The following IL1RAPL2 variants were observed in gnomAD, a reference collection of about 807,000 sequenced individuals.
The protein encoded by IL1RAPL2 is X-linked interleukin-1 receptor accessory protein-like 2.
Under a neutral mutation model 44.1 loss-of-function variants are expected in IL1RAPL2, and 3 were observed. That is an observed-to-expected ratio of 0.07 (90% CI 0.03 to 0.18). The LOEUF (loss-of-function observed/expected upper bound fraction) is 0.18. IL1RAPL2 is among the 10% of genes least tolerant of loss of function. The pLI, the probability that IL1RAPL2 is intolerant of heterozygous loss-of-function variation, is 1.00. For synonymous variants in IL1RAPL2, 181 were observed against 178.8 expected (o/e 1.01, Z -0.10); for missense variants, 391 against 496.4 (o/e 0.79, Z 2.02).
At chrX:105,190,303 C>T (rs1384042710) in intron 2 of IL1RAPL2, among the ~76,000 whole-genome samples, 2 of 112,132 alleles carry the variant, frequency 1.8e-5, no homozygotes, top group Non-Finnish European at 3.8e-5. Flanking sequence ...GCTTCTGTCA[C>T]CTACAATGGT....
At chrX:105,244,689 A>C (rs1460615729) in intron 4 of IL1RAPL2, among the ~76,000 whole-genome samples, 2 of 111,924 alleles carry the variant, frequency 1.8e-5, no homozygotes, top group African/African-American at 6.5e-5. Flanking sequence ...GGTCATTAGA[A>C]GCTCTACTTT....
intron 2 of IL1RAPL2, among the ~76,000 whole-genome samples, chrX:104,950,739 C>G (rs1272878637): frequency 9.2e-6 from 1 of 108,154 alleles, no homozygotes; most frequent in Non-Finnish European, 1.9e-5. Context: ...GACGGAGTCT[C>G]GCTGTCGCCC....
intron 2 of IL1RAPL2, among the ~76,000 whole-genome samples, chrX:104,743,405 C>T (rs1328557579): frequency 9.2e-6 from 1 of 108,450 alleles, no homozygotes; most frequent in Non-Finnish European, 1.9e-5. Flanking sequence ...TTTTTTCAAG[C>T]TCAGAATTTA....
At chrX:105,747,691 G>C (rs975501083) in intron 8 of IL1RAPL2, among the ~76,000 whole-genome samples, 1 of 109,088 alleles carries the variant, frequency 9.2e-6, no homozygotes, top group Admixed American at 9.9e-5. Context: ...CATTCCTAGA[G>C]AAAGGTTGAC....
intron 1 of IL1RAPL2, among the ~76,000 whole-genome samples, chrX:104,590,189 C>T (rs751062588): frequency 3.6e-5 from 4 of 110,910 alleles, no homozygotes; most frequent in East Asian, 5.7e-4. Context: ...GGATTACAGG[C>T]GTGCGCCACC....
chrX:105,440,875 C>G (rs1406671146), intron 5 of IL1RAPL2, among the ~76,000 whole-genome samples: 1 of 111,374 alleles, frequency 9.0e-6, no homozygotes, highest in Middle Eastern at 4.7e-3. Context: ...TAAGTCTCAG[C>G]AGATCTGATG....
intron 2 of IL1RAPL2, among the ~76,000 whole-genome samples, chrX:105,095,703 C>T (rs962266214): frequency 9.0e-6 from 1 of 111,628 alleles, no homozygotes; most frequent in African/African-American, 3.3e-5. Flanking sequence ...TAAACTAGCT[C>T]AAAGAGGTAG....
chrX:105,273,205 A>G (rs1433105236), intron 5 of IL1RAPL2, among the ~76,000 whole-genome samples: 1 of 111,326 alleles, frequency 9.0e-6, no homozygotes, highest in Non-Finnish European at 1.9e-5. Flanking sequence ...TCATTTTCTC[A>G]TTTAGTCCTC....
rs191632174 is a variant in IL1RAPL2 at position 105,505,558 on chromosome X, T to G, written c.772+21171T>G. Among the ~76,000 whole-genome samples the G allele has an allele frequency of 3.6e-5, 4 of 110,763 alleles. No individual in the cohort carries two copies. The East Asian group carries it at 1.1e-3, about 32-fold the overall frequency. ...TTAGGCAGAATAGCATATATTAAGG[T>G]CTTGCAGAAAGAAAAAAATGTTGAG... On this transcript the variant is annotated intron_variant, in intron 6 of 10. Coordinates refer to ENST00000372582, the MANE Select transcript of IL1RAPL2 (RefSeq NM_017416.2).
chrX:105,017,493 T>G (rs750771795), intron 2 of IL1RAPL2, among the ~76,000 whole-genome samples: 1 of 111,456 alleles, frequency 9.0e-6, no homozygotes, highest in East Asian at 2.9e-4. Flanking sequence ...CAAAGGAAAA[T>G]TATTGACCAC....
At chrX:105,322,797 C>G (rs894454831) in intron 5 of IL1RAPL2, among the ~76,000 whole-genome samples, 1 of 111,594 alleles carries the variant, frequency 9.0e-6, no homozygotes, top group Non-Finnish European at 1.9e-5. Flanking sequence ...AATTCTTTCA[C>G]CTTTGCAGTA....
intron 4 of IL1RAPL2, among the ~76,000 whole-genome samples, chrX:105,237,658 T>C (rs2034133460): frequency 8.9e-6 from 1 of 112,053 alleles, no homozygotes; most frequent in Admixed American, 9.5e-5. Flanking sequence ...GAAGTGTGTG[T>C]TCATATCCTT....
chrX:104,903,345 T>A (rs1477285878), intron 2 of IL1RAPL2, among the ~76,000 whole-genome samples: 1 of 111,783 alleles, frequency 8.9e-6, no homozygotes, highest in Non-Finnish European at 1.9e-5. Flanking sequence ...GTTTCACAGA[T>A]GAGAAATTAT....
intron 5 of IL1RAPL2, among the ~76,000 whole-genome samples, chrX:105,338,650 C>T (rs1380182590): frequency 1.8e-5 from 2 of 112,153 alleles, no homozygotes; most frequent in Non-Finnish European, 3.8e-5. Context: ...AATTACCCTA[C>T]TCCAGCTGGG....
intron 5 of IL1RAPL2, among the ~76,000 whole-genome samples, chrX:105,439,458 A>C (rs113781484): frequency 0.061 from 6,075 of 99,020 alleles, 527 homozygotes; most frequent in African/African-American, 0.22. Context: ...TAATCCTACT[A>C]TATTGGCTCA....
At chrX:105,353,887 A>G (rs1343833885) in intron 5 of IL1RAPL2, among the ~76,000 whole-genome samples, 1 of 111,322 alleles carries the variant, frequency 9.0e-6, no homozygotes, top group African/African-American at 3.3e-5. Context: ...AACAGGGACA[A>G]TTTGACTTCC....
At chrX:104,646,994 C>T (rs924301394) in intron 1 of IL1RAPL2, among the ~76,000 whole-genome samples, 1 of 111,505 alleles carries the variant, frequency 9.0e-6, no homozygotes, top group South Asian at 3.8e-4. Flanking sequence ...TTTATCCACT[C>T]CCCTCCTAAG....
At chrX:104,949,422 G>C (rs746946443) in intron 2 of IL1RAPL2, among the ~76,000 whole-genome samples, 14 of 108,513 alleles carry the variant, frequency 1.3e-4, no homozygotes, top group African/African-American at 4.7e-4. Context: ...ATTTCCTTCA[G>C]TTCTGCTCTG....
intron 2 of IL1RAPL2, among the ~76,000 whole-genome samples, chrX:104,763,767 G>A (rs1932506306): frequency 9.0e-6 from 1 of 110,790 alleles, no homozygotes; most frequent in Non-Finnish European, 1.9e-5. Context: ...AAGCAGCATG[G>A]GGGTAACTGC....
Sources: gnomAD v4.1 joint callset for allele counts (sites outside exome capture counted in the v4.1 genomes callset) on GRCh38, gnomAD v4.1.1 for gene constraint, MANE v1.5 for transcripts, NCBI Gene and HGNC (gene_info 2026-07-23, HGNC 2026-07-21) for gene names.